Variants in HEXD observed in about 807,000 individuals in gnomAD.
HEXD encodes hexosaminidase D.
A neutral mutation model predicts 54.2 loss-of-function variants in HEXD; 47 were observed. The ratio of observed to expected loss-of-function variants is 0.87; its 90% CI spans 0.69 to 1.11. The LOEUF (loss-of-function observed/expected upper bound fraction) is 1.11, where lower values mean the gene tolerates loss of function less well. Ranked by LOEUF, HEXD falls within the 50% of genes least tolerant of loss-of-function variation. The probability of loss-of-function intolerance (pLI) is 0.00; values close to 1 mark genes in which losing one functional copy is unlikely to be tolerated. For synonymous variants in HEXD, 293 were observed against 287.6 expected, an observed-to-expected ratio of 1.02 and a Z score of -0.19; for missense variants, 576 against 649.2, an observed-to-expected ratio of 0.89 and a Z score of 1.23.
chr17:82,424,350 T>G (rs1231657840), intron 2 of HEXD, 44 bp from the exon 3 acceptor site: 3 of 1,336,474 alleles, frequency 2.2e-6, no homozygotes, highest in Non-Finnish European at 3.2e-6. Context: ...CACATCGTGC[T>G]CCAGCAGCCA....
At chr17:82,438,677 A>C (rs1363711458) in intron 8 of HEXD, among the ~76,000 whole-genome samples, 2 of 152,220 alleles carry the variant, frequency 1.3e-5, no homozygotes, top group Non-Finnish European at 2.9e-5. Flanking sequence ...CAGACCCACC[A>C]GGGGCCCCGT....
At chr17:82,421,535 T>C (rs2053235682) in intron 2 of HEXD, among the ~76,000 whole-genome samples, 1 of 152,152 alleles carries the variant, frequency 6.6e-6, no homozygotes, top group Admixed American at 6.6e-5. Context: ...TTCTTAAAAA[T>C]GAGCAACAGG....
rs749459786 is a variant in HEXD at position 82,439,717 on chromosome 17, TGTCTG to T, written c.982+11_982+15del. The T allele has an allele frequency of 2.6e-5, 42 of 1,599,650 alleles. No individual in the cohort carries two copies. The highest frequency in any genetic ancestry group is 3.4e-5 in the Non-Finnish European group (40 of 1,179,680). ...TGCCTGCAGTTGCTTCTACGCGGTATGTCTGGTCTGGCCACCCCAAGCCCCACCGG... is the reference window on the plus strand; with the variant it reads ...TGCCTGCAGTTGCTTCTACGCGGTATGTCTGGCCACCCCAAGCCCCACCGG... On this transcript the variant is annotated splice_donor_5th_base_variant and intron_variant, in intron 9 of 12. Transcript: ENST00000327949.
chr17:82,418,376 C>A lies in HEXD; in HGVS notation c.-416C>A. The A allele has an allele frequency of 1.4e-6, 2 of 1,432,092 alleles. No homozygotes were observed. Among genetic ancestry groups the A allele is most frequent in the South Asian group, 2.6e-5 (2 of 78,108 alleles). The allele number at this position is 1,432,092 out of a possible 1,614,324, so 88.7% of individuals were successfully genotyped here. The stretch of plus-strand genomic sequence containing the variant: ...CCGCCCACTCCATGGCCCTGTCCGC[C>A]GCCGCAGCGCGCGCCCTTCCCCTCC... On this transcript the variant is annotated 5_prime_UTR_variant, in exon 1 of 13. Transcript: ENST00000327949.
intron 3 of HEXD, among the ~76,000 whole-genome samples, chr17:82,424,765 C>T (rs2053347900): frequency 6.6e-6 from 1 of 152,280 alleles, no homozygotes; most frequent in Non-Finnish European, 1.5e-5. Context: ...CAGGGAAGAG[C>T]TGCAGTTCCT....
intron 4 of HEXD, among the ~76,000 whole-genome samples, chr17:82,432,555 G>A (rs1401926960): frequency 6.6e-6 from 1 of 152,098 alleles, no homozygotes; most frequent in African/African-American, 2.4e-5. Flanking sequence ...AGTTAGAGTG[G>A]TCTTTCATAG....
At chr17:82,421,036 G>A (rs1303770784) in intron 2 of HEXD, among the ~76,000 whole-genome samples, 2 of 152,116 alleles carry the variant, frequency 1.3e-5, no homozygotes, top group East Asian at 3.8e-4. Flanking sequence ...GGAGGTAACA[G>A]AGGAAAGAGG....
chr17:82,440,486 C>T (rs770115018), intron 9 of HEXD: 8 of 423,436 alleles, frequency 1.9e-5, no homozygotes, highest in Non-Finnish European at 2.3e-5. Flanking sequence ...CCCTTGCCCA[C>T]GGCCCCATCC....
chr17:82,431,783 C>T (rs1172345481), intron 4 of HEXD, among the ~76,000 whole-genome samples: 1 of 152,152 alleles, frequency 6.6e-6, no homozygotes, highest in Non-Finnish European at 1.5e-5. Flanking sequence ...TGCATGTGGG[C>T]CCTGAGAGTC....
At chr17:82,428,486 G>C (rs1022955174) in intron 3 of HEXD, 72 bp from the exon 4 acceptor site, 8 of 1,337,182 alleles carry the variant, frequency 6.0e-6, no homozygotes, top group Non-Finnish European at 8.6e-6. Context: ...TGATGAGGAA[G>C]GGCTGGGGGG....
chr17:82,442,048 A>C lies in HEXD; in HGVS notation c.1254-129A>C, dbSNP rs2053998517. The C allele has an allele frequency of 7.5e-7, 1 of 1,341,496 alleles. No individual in the cohort carries two copies. Among genetic ancestry groups the C allele is most frequent in the South Asian group, 1.3e-5 (1 of 78,658 alleles). The allele number at this position is 1,341,496 out of a possible 1,614,324, so 83.1% of individuals were successfully genotyped here. On this transcript the variant is annotated intron_variant, in intron 12 of 12. Coordinates refer to ENST00000327949, the MANE Select transcript of HEXD (RefSeq NM_001330542.2). The surrounding 1 kb of genome is among the most constrained non-coding windows in gnomAD (Gnocchi z 6.8). ...AGCTGTCACCGACTTGTTCCTCCCG[A>C]CATGCCGATGAGGTAGGGTCAGTAG... is the stretch of plus-strand genomic sequence containing the variant.
At chr17:82,424,299 C>A in intron 2 of HEXD, 95 bp from the exon 3 acceptor site, 1 of 791,508 alleles carries the variant, frequency 1.3e-6, no homozygotes, top group Non-Finnish European at 2.2e-6. Flanking sequence ...CCACAGTCTC[C>A]ACAGGCTGAA....
In HEXD at chr17:82,433,635, C is replaced by T. The variant is rs1041588975; in HGVS notation, c.283-23C>T. The T allele has an allele frequency of 3.3e-6, 5 of 1,529,966 alleles. No homozygotes were observed. In the South Asian group the frequency reaches 3.8e-5, roughly 12 times the overall value. The allele number at this position is 1,529,966 out of a possible 1,614,324, so 94.8% of individuals were successfully genotyped here. ...CAGTCCAGCTCCTCCGCCCCCAACGCGAACTTCTCTGTCTCTCCGCAGTTT... is the reference window on the plus strand; with the variant it reads ...CAGTCCAGCTCCTCCGCCCCCAACGTGAACTTCTCTGTCTCTCCGCAGTTT... On this transcript the variant is annotated intron_variant, in intron 4 of 12. Coordinates refer to ENST00000327949, the MANE Select transcript of HEXD (RefSeq NM_001330542.2).
chr17:82,440,077 G>A (rs933339097), intron 9 of HEXD: 8 of 1,295,170 alleles, frequency 6.2e-6, no homozygotes, highest in Non-Finnish European at 8.1e-6. Context: ...GCCCGGCCCT[G>A]GAAGGCCCCG....
chr17:82,430,053 C>T (rs2053533848), intron 4 of HEXD, among the ~76,000 whole-genome samples: 2 of 152,156 alleles, frequency 1.3e-5, no homozygotes, highest in Admixed American at 1.3e-4. Flanking sequence ...GCTGCTGCTC[C>T]TCCTCCTCTT....
Position 82,433,708 on chromosome 17 carries a change from C to T in HEXD, c.333C>T (p.Phe111=). ...CCCACCTGCGGGAGGTGGGCTCCTTCCCCTGCACCCTGAACCCCCACGAGG... is the reference window on the plus strand; with the variant it reads ...CCCACCTGCGGGAGGTGGGCTCCTTTCCCTGCACCCTGAACCCCCACGAGG... ...AFAHLREVGS[F]PCTLNPHEAE... Residue 111 remains phenylalanine (F), a synonymous_variant, in exon 5 of 13, where the codon TTC becomes TTT. Coordinates refer to ENST00000327949, the MANE Select transcript of HEXD (RefSeq NM_001330542.2). 1 of 1,612,852 alleles carries T rather than the reference C, an allele frequency of 6.2e-7. No homozygotes were observed. The highest frequency in any genetic ancestry group is 1.1e-5 in the South Asian group (1 of 90,954).
chr17:82,424,440 A>G lies in HEXD; in HGVS notation c.131A>G (p.Glu44Gly). Residue 44 changes from glutamate (E) to glycine (G), a missense_variant, in exon 3 of 13, where the codon GAG becomes GGG. Coordinates refer to ENST00000327949, the MANE Select transcript of HEXD (RefSeq NM_001330542.2). ...CTAGGTGCAAACGGCCTCCTCATTGAGTATGAAGACATGTTTCCCTACGAG... is the reference window on the plus strand; with the variant it reads ...CTAGGTGCAAACGGCCTCCTCATTGGGTATGAAGACATGTTTCCCTACGAG... ...RALGANGLLI[E>G]YEDMFPYEGP... 2.5e-6 allele frequency: 4 copies of G among 1,614,028 alleles called. No individual in the cohort carries two copies. The highest frequency in any genetic ancestry group is 3.4e-6 in the Non-Finnish European group (4 of 1,179,956).
intron 4 of HEXD, among the ~76,000 whole-genome samples, chr17:82,432,923 G>A (rs8078416): frequency 0.98 from 144,595 of 146,806 alleles, 71,205 homozygotes; most frequent in East Asian, 1. Context: ...AAAATTAGCC[G>A]GGCGTGGTGG....
chr17:82,418,403 C>T lies in HEXD; in HGVS notation c.-389C>T, dbSNP rs1016146706. On this transcript the variant is annotated 5_prime_UTR_variant, in exon 1 of 13. Coordinates refer to ENST00000327949, the MANE Select transcript of HEXD (RefSeq NM_001330542.2). ...CCGCAGCGCGCGCCCTTCCCCTCCT[C>T]ACCGCTACCTGCTCCGGTTCCGGCG... 3.1e-4 allele frequency: 452 copies of T among 1,477,310 alleles called. 1 individual carries two copies. The highest frequency in any genetic ancestry group is 6.1e-4 in the Admixed American group (27 of 44,558). The allele number at this position is 1,477,310 out of a possible 1,614,324, so 91.5% of individuals were successfully genotyped here. A position where few individuals can be genotyped will look rare whatever the true frequency, so the allele number is the denominator to read the frequency against.
Sources: gnomAD v4.1 joint callset for allele counts (sites outside exome capture counted in the v4.1 genomes callset) on GRCh38, gnomAD v4.1.1 for gene constraint, Gnocchi (gnomAD v3.1) non-coding constraint, MANE v1.5 for transcripts, NCBI Gene and HGNC (gene_info 2026-07-23, HGNC 2026-07-21) for gene names.